GRID1: variants seen among roughly 807,000 people sequenced by gnomAD.
GRID1 encodes glutamate ionotropic receptor delta type subunit 1, also known as glutamate receptor ionotropic, delta-1.
A neutral mutation model predicts 98.0 loss-of-function variants in GRID1; 28 were observed. That is an observed-to-expected ratio of 0.29 (90% CI 0.21 to 0.39). The LOEUF is 0.39. Ranked by LOEUF, GRID1 falls within the 10% of genes least tolerant of loss-of-function variation. GRID1 has a pLI of 1.00. For missense variants in GRID1, 1,111 were observed against 1,340.5 expected (o/e 0.83, Z 2.67); for synonymous variants, 553 against 538.5 (o/e 1.03, Z -0.37).
intron 8 of GRID1, among the ~76,000 whole-genome samples, chr10:85,777,185 A>G (rs1842340013): frequency 6.6e-6 from 1 of 152,158 alleles, no homozygotes; most frequent in African/African-American, 2.4e-5. Flanking sequence ...ATAAGTGGGC[A>G]TCTAAATCAG....
intron 13 of GRID1, among the ~76,000 whole-genome samples, chr10:85,637,557 AC>A (rs1162205790): frequency 6.6e-6 from 1 of 152,236 alleles, no homozygotes; most frequent in Non-Finnish European, 1.5e-5. Context: ...CAAGGAAGCT[AC>A]ACATTTAGTA....
At chr10:85,795,640 A>G (rs899841653) in intron 8 of GRID1, among the ~76,000 whole-genome samples, 10 of 152,214 alleles carry the variant, frequency 6.6e-5, no homozygotes, top group Admixed American at 3.3e-4. Context: ...AGGAAACAGG[A>G]AGACAGAAAA....
At chr10:86,184,512 G>A (rs1308099400) in intron 3 of GRID1, among the ~76,000 whole-genome samples, 2 of 67,038 alleles carry the variant, frequency 3.0e-5, no homozygotes, top group African/African-American at 6.1e-5. Context: ...AGCACCATTT[G>A]TTTAAAAGAC....
intron 2 of GRID1, among the ~76,000 whole-genome samples, chr10:86,220,402 G>A (rs758391284): frequency 5.9e-5 from 9 of 152,140 alleles, no homozygotes; most frequent in Admixed American, 2.6e-4. Context: ...CCCTGAAAAC[G>A]CGGTTATGAT....
intron 8 of GRID1, among the ~76,000 whole-genome samples, chr10:85,793,029 T>C (rs1025212683): frequency 6.6e-6 from 1 of 152,198 alleles, no homozygotes; most frequent in Non-Finnish European, 1.5e-5. Context: ...AGCTTTTTCA[T>C]GATACAACTT....
chr10:85,611,894 C>T (rs988887577), intron 15 of GRID1, among the ~76,000 whole-genome samples: 6 of 152,234 alleles, frequency 3.9e-5, no homozygotes, highest in Admixed American at 2.0e-4. Flanking sequence ...GAACCATCAA[C>T]TATTCCTTTC....
chr10:86,182,757 C>T (rs1318727978), intron 3 of GRID1, among the ~76,000 whole-genome samples: 1 of 152,212 alleles, frequency 6.6e-6, no homozygotes, highest in African/African-American at 2.4e-5. Flanking sequence ...CTTTCTCTCT[C>T]GTGTGTGACA....
intron 5 of GRID1, among the ~76,000 whole-genome samples, chr10:85,882,970 C>A (rs1310735114): frequency 2.0e-5 from 3 of 151,986 alleles, no homozygotes; most frequent in East Asian, 1.9e-4. Flanking sequence ...AGTTTGATTT[C>A]TTTCAATAAT....
chr10:86,064,899 C>G (rs1007711230), intron 4 of GRID1, among the ~76,000 whole-genome samples: 15 of 152,212 alleles, frequency 9.9e-5, no homozygotes, highest in African/African-American at 3.6e-4. Flanking sequence ...CCTGCAAATG[C>G]ATTTCCTCAG....
At chr10:85,769,835 G>C (rs1438180581) in intron 8 of GRID1, among the ~76,000 whole-genome samples, 2 of 152,254 alleles carry the variant, frequency 1.3e-5, no homozygotes, top group Non-Finnish European at 2.9e-5. Flanking sequence ...CTCCAACTGG[G>C]TGGAGCCCAC....
chr10:85,796,852 C>A (rs1159558686), intron 8 of GRID1, among the ~76,000 whole-genome samples: 2 of 152,112 alleles, frequency 1.3e-5, no homozygotes, highest in Admixed American at 1.3e-4. Context: ...TATATCCAGA[C>A]AAATTGCCTT....
At chr10:86,293,537 T>C (rs1227632782) in intron 2 of GRID1, among the ~76,000 whole-genome samples, 1 of 152,198 alleles carries the variant, frequency 6.6e-6, no homozygotes, top group Non-Finnish European at 1.5e-5. Context: ...TTTGTTATTA[T>C]TCTGCATATT....
intron 3 of GRID1, among the ~76,000 whole-genome samples, chr10:86,160,737 G>C (rs912901171): frequency 4.6e-5 from 7 of 152,242 alleles, no homozygotes; most frequent in East Asian, 1.9e-4. Context: ...GTCCTTCCAG[G>C]GGGGAATAAT....
intron 4 of GRID1, among the ~76,000 whole-genome samples, chr10:86,051,078 CAAA>C (rs547012473): frequency 7.2e-6 from 1 of 139,610 alleles, no homozygotes; most frequent in Non-Finnish European, 1.6e-5. Context: ...AACTCCGTCT[CAAA>C]AAAAAAATGT....
intron 8 of GRID1, among the ~76,000 whole-genome samples, chr10:85,791,115 T>G (rs1332519412): frequency 6.6e-6 from 1 of 152,196 alleles, no homozygotes; most frequent in Non-Finnish European, 1.5e-5. Context: ...GATACCCACC[T>G]GGCAGCTCAG....
intron 3 of GRID1, among the ~76,000 whole-genome samples, chr10:86,156,720 T>C (rs966311347): frequency 6.6e-6 from 1 of 152,054 alleles, no homozygotes; most frequent in South Asian, 2.1e-4. Context: ...TGGCAGCAGA[T>C]GAGGAAGGGA....
chr10:85,929,280 T>C (rs1841817580), intron 4 of GRID1, among the ~76,000 whole-genome samples: 1 of 152,090 alleles, frequency 6.6e-6, no homozygotes, highest in Non-Finnish European at 1.5e-5. Flanking sequence ...CTTGAGATAG[T>C]GACTCAAAGG....
intron 4 of GRID1, among the ~76,000 whole-genome samples, chr10:85,997,133 G>A (rs1212397226): frequency 6.6e-6 from 1 of 152,182 alleles, no homozygotes; most frequent in Non-Finnish European, 1.5e-5. Context: ...TGGGAATGGT[G>A]GCTCACGCCT....
intron 4 of GRID1, among the ~76,000 whole-genome samples, chr10:86,118,866 C>G (rs1253789323): frequency 6.6e-6 from 1 of 152,134 alleles, no homozygotes; most frequent in African/African-American, 2.4e-5. Context: ...GAGGGGAATT[C>G]TACAAAATAC....
Sources: allele counts gnomAD v4.1 joint callset (sites outside exome capture counted in the v4.1 genomes callset), GRCh38; gene constraint gnomAD v4.1.1; transcripts MANE v1.5; gene names NCBI Gene and HGNC (gene_info 2026-07-23, HGNC 2026-07-21).